The following SPIRE1 variants were observed in gnomAD, a reference collection of about 807,000 sequenced individuals.
The protein encoded by SPIRE1 is spire type actin nucleation factor 1.
A neutral mutation model predicts 94.1 loss-of-function variants in SPIRE1; 40 were observed. The observed-to-expected ratio is 0.43, with a 90% confidence interval of 0.33 to 0.55. SPIRE1 has a LOEUF of 0.55. Among genes scored for constraint, SPIRE1 ranks in the 20% least tolerant of loss-of-function variants. SPIRE1 has a pLI of 0.06. For synonymous variants in SPIRE1, 376 were observed against 371.7 expected, an observed-to-expected ratio of 1.01 and a Z score of -0.13; for missense variants, 838 against 975.2, an observed-to-expected ratio of 0.86 and a Z score of 1.87.
rs543723098 is a variant in SPIRE1, at chr18:12,559,536, C to T, written c.373-12632G>A. Among the ~76,000 whole-genome samples, 9 of 152,322 alleles carry T rather than the reference C, an allele frequency of 5.9e-5. No homozygotes were observed. The highest frequency in any genetic ancestry group is 2.6e-4 in the Admixed American group (4 of 15,300). On this transcript the variant is annotated intron_variant, in intron 2 of 16. Coordinates refer to ENST00000409402, the MANE Select transcript of SPIRE1 (RefSeq NM_001128626.2). This position sits in a 1 kb window ranked among gnomAD's most constrained non-coding sequence, Gnocchi z 4.7. ...TGGCCAGCCCAGAGAGGGGCTCCCA[C>T]GGTGCAGCAGCAGGCTGAAGGGCTC... is the stretch of plus-strand genomic sequence containing the variant.
intron 9 of SPIRE1, among the ~76,000 whole-genome samples, chr18:12,481,917 C>A (rs1211806274): frequency 6.6e-6 from 1 of 152,122 alleles, no homozygotes; most frequent in African/African-American, 2.4e-5. Context: ...ACAAGTATTT[C>A]AAACGCACAC....
chr18:12,523,318 C>T (rs1030579236), intron 4 of SPIRE1, among the ~76,000 whole-genome samples: 1 of 152,138 alleles, frequency 6.6e-6, no homozygotes, highest in African/African-American at 2.4e-5. Flanking sequence ...TATGGATGAG[C>T]AAGGAAAGTA....
At chr18:12,592,668 A>G (rs555798159) in intron 2 of SPIRE1, among the ~76,000 whole-genome samples, 67 of 152,338 alleles carry the variant, frequency 4.4e-4, no homozygotes, top group South Asian at 1.5e-3. Flanking sequence ...CTATCTTAAT[A>G]TAACTGATTA....
chr18:12,453,495 A>G (rs2031347154), intron 13 of SPIRE1, among the ~76,000 whole-genome samples: 1 of 148,054 alleles, frequency 6.8e-6, no homozygotes, highest in African/African-American at 2.5e-5. Context: ...GTGCAATGGC[A>G]TGATCTTGGC....
chr18:12,533,326 T>C (rs963037291), intron 4 of SPIRE1, among the ~76,000 whole-genome samples: 4 of 146,062 alleles, frequency 2.7e-5, no homozygotes, highest in African/African-American at 1.0e-4. Flanking sequence ...CAGCTTTTTC[T>C]TTAAATAAAC....
chr18:12,454,444 C>A lies in SPIRE1; in HGVS notation c.1678G>T (p.Val560Leu), dbSNP rs1300733441. 1.2e-6 allele frequency: 2 copies of A among 1,614,014 alleles called. No individual in the cohort carries two copies. Among genetic ancestry groups the A allele is most frequent in the Non-Finnish European group, 1.7e-6 (2 of 1,179,982 alleles). ...CYPVECLALT[V>L]EEVMHIRQVL... ...TGGCGAATATGCATCACTTCTTCCA[C>A]AGTAAGAGCGAGGCATTCCACTGGG... The change falls in exon 13 of 17, where the codon GTG (valine) becomes TTG (leucine). Residue 560 changes from valine (V) to leucine (L), a missense_variant. Physicochemically the swap from Val to Leu is conservative, Grantham distance 32. Transcript: ENST00000409402.
Position 12,449,301 on chromosome 18 carries a change from C to T in SPIRE1, c.*337G>A, listed in dbSNP as rs982992906. On this transcript the variant is annotated 3_prime_UTR_variant, in exon 17 of 17. Coordinates refer to ENST00000409402, the MANE Select transcript of SPIRE1 (RefSeq NM_001128626.2). ...GTTAGACTGATTCTCGTAGGAGAAGCTTTTTTTTTTTGCCTTAGTCAGGAG... is the reference window on the plus strand; with the variant it reads ...GTTAGACTGATTCTCGTAGGAGAAGTTTTTTTTTTTTGCCTTAGTCAGGAG... 3 of 249,016 alleles carry T rather than the reference C, an allele frequency of 1.2e-5. No homozygotes were observed. The highest frequency in any genetic ancestry group is 4.7e-5 in the African/African-American group (2 of 42,208). The allele number at this position is 249,016 out of a possible 1,614,324, so 15.4% of individuals were successfully genotyped here.
At chr18:12,561,089 C>A (rs1201628003) in intron 2 of SPIRE1, among the ~76,000 whole-genome samples, 2 of 152,024 alleles carry the variant, frequency 1.3e-5, no homozygotes, top group African/African-American at 2.4e-5. Flanking sequence ...TTACGTAACC[C>A]ACAAATACAT....
intron 1 of SPIRE1, among the ~76,000 whole-genome samples, chr18:12,651,501 C>T (rs1170023393): frequency 6.6e-6 from 1 of 151,984 alleles, no homozygotes; most frequent in Admixed American, 6.6e-5. Context: ...ATGGTGAAAC[C>T]CGTGTCTACT....
At chr18:12,652,767 A>G (rs1002161399) in intron 1 of SPIRE1, among the ~76,000 whole-genome samples, 3 of 152,132 alleles carry the variant, frequency 2.0e-5, no homozygotes, top group Non-Finnish European at 2.9e-5. Context: ...ATTTCTATTT[A>G]TTTCATTCAA....
At chr18:12,555,627 T>G (rs918584919) in intron 2 of SPIRE1, among the ~76,000 whole-genome samples, 1 of 152,170 alleles carries the variant, frequency 6.6e-6, no homozygotes, top group Non-Finnish European at 1.5e-5. Context: ...CATCCCTTCA[T>G]GATAAAAACC....
upstream of SPIRE1, chr18:12,661,876 A>G (rs1441062700): frequency 6.1e-6 from 1 of 164,558 alleles, no homozygotes; most frequent in Non-Finnish European, 1.3e-5. Context: ...ATGACTTCAT[A>G]TTTAAAATGT....
chr18:12,525,912 G>A (rs1167657331), intron 4 of SPIRE1, among the ~76,000 whole-genome samples: 1 of 151,954 alleles, frequency 6.6e-6, no homozygotes, highest in Non-Finnish European at 1.5e-5. Flanking sequence ...GCTCATTAGG[G>A]GTGTTACAGA....
chr18:12,631,571 A>C lies in SPIRE1; in HGVS notation c.372+3491T>G, dbSNP rs868829365. The stretch of plus-strand genomic sequence containing the variant: ...TACAAAAAAAAAAAAAAAAAAAAAA[A>C]AAAACATAAAAATAAAAAAACAGGC... On this transcript the variant is annotated intron_variant, in intron 2 of 16. Transcript: ENST00000409402. Among the ~76,000 whole-genome samples, 29 of 149,454 alleles carry C rather than the reference A, an allele frequency of 1.9e-4. No individual in the cohort carries two copies. In the East Asian group the frequency reaches 2.0e-3, roughly 10 times the overall value.
upstream of SPIRE1, chr18:12,658,740 G>A (rs1190323073): frequency 2.3e-5 from 9 of 399,634 alleles, no homozygotes; most frequent in Non-Finnish European, 4.2e-5. Context: ...TTTCTTGCTG[G>A]TTGAATACCT....
chr18:12,562,296 T>C (rs2035707782), intron 2 of SPIRE1, among the ~76,000 whole-genome samples: 1 of 152,142 alleles, frequency 6.6e-6, no homozygotes, highest in Non-Finnish European at 1.5e-5. Context: ...TTTTGTTTTC[T>C]GTTTCTGAGA....
At chr18:12,522,653 G>C (rs1025296680) in intron 4 of SPIRE1, among the ~76,000 whole-genome samples, 1 of 152,184 alleles carries the variant, frequency 6.6e-6, no homozygotes, top group African/African-American at 2.4e-5. Context: ...TGACTCTCTT[G>C]TTAGGGGCTA....
At chr18:12,622,109 C>A (rs918087242) in intron 2 of SPIRE1, among the ~76,000 whole-genome samples, 1 of 152,286 alleles carries the variant, frequency 6.6e-6, no homozygotes, top group Admixed American at 6.5e-5. Context: ...CTTCTCTCCA[C>A]GTCACAGGCC....
intron 2 of SPIRE1, among the ~76,000 whole-genome samples, chr18:12,599,524 A>G (rs1694584915): frequency 6.6e-6 from 1 of 152,200 alleles, no homozygotes; most frequent in African/African-American, 2.4e-5. Context: ...TTGACCTCCC[A>G]AAGTGCTGGG....
Sources: allele counts gnomAD v4.1 joint callset (sites outside exome capture counted in the v4.1 genomes callset), GRCh38; gene constraint gnomAD v4.1.1; non-coding constraint Gnocchi (gnomAD v3.1); transcripts MANE v1.5; gene names NCBI Gene and HGNC (gene_info 2026-07-23, HGNC 2026-07-21).